KIRREL3: variants seen among roughly 807,000 people sequenced by gnomAD.
KIRREL3 encodes the protein kirre like nephrin family adhesion molecule 3.
In KIRREL3, 36 loss-of-function variants were observed where a neutral mutation model predicts 89.7. The observed-to-expected ratio is 0.40, with a 90% CI of 0.31 to 0.53. KIRREL3 has a LOEUF of 0.53. KIRREL3 is among the 20% of genes least tolerant of loss of function. The pLI, the probability that KIRREL3 is intolerant of heterozygous loss-of-function variation, is 0.49. For missense variants in KIRREL3, 864 were observed against 1,056.6 expected (o/e 0.82, Z 2.53); for synonymous variants, 445 against 441.4 (o/e 1.01, Z -0.10).
chr11:126,659,168 TA>T (rs1945284115), intron 1 of KIRREL3, among the ~76,000 whole-genome samples: 1 of 152,244 alleles, frequency 6.6e-6, no homozygotes, highest in South Asian at 2.1e-4. Flanking sequence ...TTAGCTGCTT[TA>T]CATGCTGTCT....
intron 1 of KIRREL3, among the ~76,000 whole-genome samples, chr11:126,864,963 A>G (rs1195716230): frequency 6.6e-6 from 1 of 152,070 alleles, no homozygotes; most frequent in Non-Finnish European, 1.5e-5. Context: ...TCATGATTCC[A>G]TGGCCGGATC....
Position 126,564,631 on chromosome 11 carries a change from T to G in KIRREL3, c.56-1719A>C, listed in dbSNP as rs1940380400. ...ATCTCAGGCACCCAAATTGACGATG[T>G]TAAGTTCCCTCATTCAAGGCCTTGG... is the stretch of plus-strand genomic sequence containing the variant. On this transcript the variant is annotated intron_variant, in intron 1 of 16. Transcript: ENST00000525144. This position sits in a 1 kb window ranked among gnomAD's most constrained non-coding sequence, Gnocchi z 7.4. 6.6e-6 allele frequency among the ~76,000 whole-genome samples: 1 copy of G among 152,246 alleles called. No homozygotes were observed. Among genetic ancestry groups the G allele is most frequent in the African/African-American group, 2.4e-5 (1 of 41,470 alleles).
intron 1 of KIRREL3, among the ~76,000 whole-genome samples, chr11:126,632,781 A>T (rs1022850078): frequency 1.4e-5 from 2 of 138,538 alleles, no homozygotes; most frequent in Non-Finnish European, 3.1e-5. Context: ...AGGCACTTGG[A>T]GTCTAAACTT....
In KIRREL3 at chr11:126,624,808, G is replaced by A. The variant is rs1211140313; in HGVS notation, c.56-61896C>T. ...GCTTGACTTGAGGCCAACTACGGAG[G>A]GCAGAGCTGATGGAAGGGCCCGTTG... On this transcript the variant is annotated intron_variant, in intron 1 of 16. Transcript: ENST00000525144. The surrounding 1 kb of genome is among the most constrained non-coding windows in gnomAD (Gnocchi z 6.0). Among the ~76,000 whole-genome samples the A allele has an allele frequency of 6.6e-6, 1 of 152,190 alleles. No individual in the cohort carries two copies. Among genetic ancestry groups the A allele is most frequent in the Non-Finnish European group, 1.5e-5 (1 of 68,044 alleles).
At chr11:126,590,933 A>C (rs529227016) in intron 1 of KIRREL3, among the ~76,000 whole-genome samples, 8 of 152,318 alleles carry the variant, frequency 5.3e-5, no homozygotes, top group African/African-American at 1.9e-4. Flanking sequence ...CTTATTAGAA[A>C]GTGATCTGGC....
Position 126,931,448 on chromosome 11 carries a change from A to C in KIRREL3, c.55+69007T>G, listed in dbSNP as rs1215513445. On this transcript the variant is annotated intron_variant, in intron 1 of 16. Coordinates refer to ENST00000525144, the MANE Select transcript of KIRREL3 (RefSeq NM_032531.4). This position sits in a 1 kb window ranked among gnomAD's most constrained non-coding sequence, Gnocchi z 5.1. The stretch of plus-strand genomic sequence containing the variant: ...GCTGGTTATGTGAAAGGGAAGGAGG[A>C]TATAAAGACGGATTTTATTGTCTTC... Among the ~76,000 whole-genome samples, 4 of 152,140 alleles carry C rather than the reference A, an allele frequency of 2.6e-5. No homozygotes were observed. Among genetic ancestry groups the C allele is most frequent in the Admixed American group, 6.5e-5 (1 of 15,282 alleles).
chr11:126,787,164 G>T (rs1310080880), intron 1 of KIRREL3, among the ~76,000 whole-genome samples: 1 of 152,132 alleles, frequency 6.6e-6, no homozygotes, highest in African/African-American at 2.4e-5. Flanking sequence ...ACTCACAAGA[G>T]AGAACACCTG....
Position 126,555,255 on chromosome 11 carries a change from C to G in KIRREL3, c.133+7580G>C, listed in dbSNP as rs2134552779. Among the ~76,000 whole-genome samples, 1 of 152,308 alleles carries G rather than the reference C, an allele frequency of 6.6e-6. No homozygotes were observed. The highest frequency in any genetic ancestry group is 2.1e-4 in the South Asian group (1 of 4,828). ...ACTTGCTTGCTCACACACTCCCTCT[C>G]TCAAGCAGTGGCCAGAGGTAGGCTG... On this transcript the variant is annotated intron_variant, in intron 2 of 16. Transcript: ENST00000525144. This position sits in a 1 kb window ranked among gnomAD's most constrained non-coding sequence, Gnocchi z 4.2.
chr11:126,771,977 G>A lies in KIRREL3; in HGVS notation c.56-209065C>T, dbSNP rs1196517723. ...CGAATGCAGTCCAGCTTTCCTAAAT[G>A]CCTCCTCTCCTCCTGCTTTCTGTCT... On this transcript the variant is annotated intron_variant, in intron 1 of 16. Transcript: ENST00000525144. The surrounding 1 kb of genome is among the most constrained non-coding windows in gnomAD (Gnocchi z 4.4). Among the ~76,000 whole-genome samples, 1 of 152,162 alleles carries A rather than the reference G, an allele frequency of 6.6e-6. No homozygotes were observed. Among genetic ancestry groups the A allele is most frequent in the South Asian group, 2.1e-4 (1 of 4,824 alleles).
Position 126,490,335 on chromosome 11 carries a change from G to T in KIRREL3, c.434-16869C>A, listed in dbSNP as rs1957478268. Among the ~76,000 whole-genome samples, 1 of 152,172 alleles carries T rather than the reference G, an allele frequency of 6.6e-6. No individual in the cohort carries two copies. Among genetic ancestry groups the T allele is most frequent in the Non-Finnish European group, 1.5e-5 (1 of 68,038 alleles). ...CTGGACACAGCCGCTAGGGAGAGGTGAGCAGAGCTTTCTCCCCATGAAGTA... is the reference window on the plus strand; with the variant it reads ...CTGGACACAGCCGCTAGGGAGAGGTTAGCAGAGCTTTCTCCCCATGAAGTA... On this transcript the variant is annotated intron_variant, in intron 4 of 16. Transcript: ENST00000525144. The surrounding 1 kb of genome is among the most constrained non-coding windows in gnomAD (Gnocchi z 4.2).
intron 1 of KIRREL3, among the ~76,000 whole-genome samples, chr11:126,732,818 CA>C (rs1439669408): frequency 1.3e-5 from 2 of 152,180 alleles, no homozygotes; most frequent in East Asian, 1.9e-4. Flanking sequence ...TGGAAAAGGC[CA>C]GGGGGAACCC....
chr11:126,768,215 A>C lies in KIRREL3; in HGVS notation c.56-205303T>G, dbSNP rs902737718. ...CATCCATCCATCCATCCATCCATCCATCCATCCATTCAATCTGTCCATCTG... is the reference window on the plus strand; with the variant it reads ...CATCCATCCATCCATCCATCCATCCCTCCATCCATTCAATCTGTCCATCTG... On this transcript the variant is annotated intron_variant, in intron 1 of 16. Coordinates refer to ENST00000525144, the MANE Select transcript of KIRREL3 (RefSeq NM_032531.4). This position sits in a 1 kb window ranked among gnomAD's most constrained non-coding sequence, Gnocchi z 4.5. 6.7e-5 allele frequency among the ~76,000 whole-genome samples: 10 copies of C among 149,174 alleles called. No individual in the cohort carries two copies. Among genetic ancestry groups the C allele is most frequent in the Non-Finnish European group, 1.2e-4 (8 of 67,462 alleles).
intron 4 of KIRREL3, among the ~76,000 whole-genome samples, chr11:126,505,437 G>C (rs1957989735): frequency 6.6e-6 from 1 of 152,168 alleles, no homozygotes; most frequent in Non-Finnish European, 1.5e-5. Context: ...CAGGCGTGGT[G>C]GTGGATGCCT....
chr11:126,672,306 G>C (rs1284362633), intron 1 of KIRREL3, among the ~76,000 whole-genome samples: 2 of 152,168 alleles, frequency 1.3e-5, no homozygotes, highest in Non-Finnish European at 2.9e-5. Flanking sequence ...ATGTTTAAGA[G>C]ATACATGAAA....
At chr11:126,470,964 T>C (rs1418807280) in intron 5 of KIRREL3, among the ~76,000 whole-genome samples, 1 of 152,210 alleles carries the variant, frequency 6.6e-6, no homozygotes, top group Non-Finnish European at 1.5e-5. Flanking sequence ...CACAGTTTTG[T>C]TGAGTGGAGT....
At position 126,876,372 on chromosome 11, in the gene KIRREL3, T is replaced by A. The variant is rs1458225368; in HGVS notation, c.55+124083A>T. On this transcript the variant is annotated intron_variant, in intron 1 of 16. Coordinates refer to ENST00000525144, the MANE Select transcript of KIRREL3 (RefSeq NM_032531.4). The surrounding 1 kb of genome is among the most constrained non-coding windows in gnomAD (Gnocchi z 4.1). ...TGTGGAGAAGCAGATAGCAATGTGG[T>A]AAAAAGATGCTTGGTGCCCATCTGG... 6.6e-6 allele frequency among the ~76,000 whole-genome samples: 1 copy of A among 152,110 alleles called. No homozygotes were observed. The highest frequency in any genetic ancestry group is 2.4e-5 in the African/African-American group (1 of 41,408).
chr11:126,921,747 TTCTA>T (rs201000548), intron 1 of KIRREL3, among the ~76,000 whole-genome samples: 44,028 of 134,278 alleles, frequency 0.33, 7,356 homozygotes, highest in Non-Finnish European at 0.36. Context: ...TATATCTGTC[TTCTA>T]TCTATCTATC....
chr11:126,930,841 C>G (rs1196251054), intron 1 of KIRREL3, among the ~76,000 whole-genome samples: 1 of 152,202 alleles, frequency 6.6e-6, no homozygotes, highest in Non-Finnish European at 1.5e-5. Context: ...ACACAGCTGA[C>G]CAGGCTCTTC....
intron 1 of KIRREL3, among the ~76,000 whole-genome samples, chr11:126,929,798 C>T (rs771016785): frequency 6.6e-5 from 10 of 152,230 alleles, no homozygotes; most frequent in Admixed American, 2.0e-4. Context: ...AAGAGCGATT[C>T]CACGCTAAAC....
Sources: gnomAD v4.1 joint callset for allele counts (sites outside exome capture counted in the v4.1 genomes callset) on GRCh38, gnomAD v4.1.1 for gene constraint, Gnocchi (gnomAD v3.1) non-coding constraint, MANE v1.5 for transcripts, NCBI Gene and HGNC (gene_info 2026-07-23, HGNC 2026-07-21) for gene names.